The following RBSN variants were observed in gnomAD, a reference collection of about 807,000 sequenced individuals.
RBSN encodes the protein rabenosyn, RAB effector, also known as rabenosyn-5.
Under a neutral mutation model 60.5 loss-of-function variants are expected in RBSN, and 34 were observed. The ratio of observed to expected loss-of-function variants is 0.56; its 90% CI spans 0.43 to 0.75. RBSN has a LOEUF of 0.75. Ranked by LOEUF, RBSN falls within the 30% of genes least tolerant of loss-of-function variation. RBSN has a pLI of 0.00. For synonymous variants in RBSN, 322 were observed against 366.9 expected (o/e 0.88, Z 1.40); for missense variants, 845 against 986.8 (o/e 0.86, Z 1.92).
At position 15,071,616 on chromosome 3, in the gene RBSN, A is replaced by G. The variant is rs1464390; in HGVS notation, c.*2166T>C. 0.37 allele frequency: 56,967 copies of G among 152,144 alleles called. 12,062 individuals are homozygous for G. The highest frequency in any genetic ancestry group is 0.58 in the African/African-American group (23,930 of 41,488). The allele number at this position is 152,144 out of a possible 1,614,324, so 9.4% of individuals were successfully genotyped here. A position where few individuals can be genotyped will look rare whatever the true frequency, so the allele number is the denominator to read the frequency against. ...CTTCACACACTTCTACCCACTCCCC[A>G]TCTCCACACCCCTATACAAGATCTT... On this transcript the variant is annotated 3_prime_UTR_variant, in exon 14 of 14. Coordinates refer to ENST00000253699, the MANE Select transcript of RBSN (RefSeq NM_022340.4).
chr3:15,099,113 G>A lies in RBSN; in HGVS notation c.-579C>T, dbSNP rs1048724025. The A allele has an allele frequency of 6.6e-6, 1 of 152,360 alleles. No homozygotes were observed. Among genetic ancestry groups the A allele is most frequent in the East Asian group, 1.9e-4 (1 of 5,194 alleles). 9.4% of individuals were successfully genotyped at this position (152,360 alleles called of 1,614,324 possible). ...CTGGGCCTCCACCGTCCGTCACTCA[G>A]CCGCAGCCGCCATCTCCATCGGTCG... is the stretch of plus-strand genomic sequence containing the variant. On this transcript the variant is annotated 5_prime_UTR_variant, in exon 1 of 14. Coordinates refer to ENST00000253699, the MANE Select transcript of RBSN (RefSeq NM_022340.4).
chr3:15,093,593 G>A lies in RBSN; in HGVS notation c.148+2380C>T, dbSNP rs531660132. ...ATGATTTTTTTGTAGAAATGGTCTC[G>A]CTATGTTGCCCAGTCTGGTCTCCTG... On this transcript the variant is annotated intron_variant, in intron 4 of 13. Coordinates refer to ENST00000253699, the MANE Select transcript of RBSN (RefSeq NM_022340.4). Among the ~76,000 whole-genome samples the A allele has an allele frequency of 2.7e-4, 41 of 152,166 alleles. 1 individual carries two copies. Among genetic ancestry groups the A allele is most frequent in the Middle Eastern group, 6.8e-3 (2 of 294 alleles).
intron 4 of RBSN, among the ~76,000 whole-genome samples, chr3:15,091,000 A>C (rs2043498401): frequency 1.3e-5 from 2 of 152,150 alleles, no homozygotes; most frequent in Non-Finnish European, 2.9e-5. Flanking sequence ...GCTTGAGTCC[A>C]GGAATTCAAG....
intron 4 of RBSN, among the ~76,000 whole-genome samples, chr3:15,091,965 A>C (rs1480681371): frequency 6.6e-6 from 1 of 152,206 alleles, no homozygotes; most frequent in African/African-American, 2.4e-5. Flanking sequence ...TTCCACCAGA[A>C]TCTAGTAGAA....
chr3:15,096,089 C>T lies in RBSN; in HGVS notation c.32G>A (p.Arg11Lys), dbSNP rs1024517678. The change falls in exon 4 of 14, where the codon AGG becomes AAG. Residue 11 changes from arginine to lysine, a missense_variant. Transcript: ENST00000253699. Reference sequence around the variant, plus strand: ...GCACAGAGGGCAGAGGAAGCCCTCCCTCACTTCCCCTGGGTCGTCCAGAGA... The same window carrying T: ...GCACAGAGGGCAGAGGAAGCCCTCCTTCACTTCCCCTGGGTCGTCCAGAGA... MASLDDPGEV[R>K]EGFLCPLCLK... 1 of 1,607,866 alleles carries T rather than the reference C, an allele frequency of 6.2e-7. No homozygotes were observed. The highest frequency in any genetic ancestry group is 1.7e-5 in the Admixed American group (1 of 59,570).
chr3:15,084,784 C>A lies in RBSN; in HGVS notation c.549G>T (p.Gly183=). 1.2e-6 allele frequency: 2 copies of A among 1,614,084 alleles called. No homozygotes were observed. The highest frequency in any genetic ancestry group is 1.7e-5 in the Admixed American group (1 of 59,996). ...CCATACACTTCTTGCACATAATAGA[C>A]CCGCAGAGGCGGCAGTGGTGGCGGC... ...RNRRHHCRLC[G]SIMCKKCMEL... Residue 183 remains glycine, a synonymous_variant, in exon 8 of 14, where the codon GGG becomes GGT. Transcript: ENST00000253699. This position sits in a 1 kb window ranked among gnomAD's most constrained non-coding sequence, Gnocchi z 4.2.
In RBSN at chr3:15,074,265, G is replaced by A. The variant is rs1397893060; in HGVS notation, c.1872C>T (p.Ser624=). 5.0e-6 allele frequency: 8 copies of A among 1,612,894 alleles called. No homozygotes were observed. The highest frequency in any genetic ancestry group is 6.8e-6 in the Non-Finnish European group (8 of 1,179,400). Residue 624 remains serine (S), a synonymous_variant, in exon 14 of 14, where the codon TCC becomes TCT. Transcript: ENST00000253699. The surrounding 1 kb of genome is among the most constrained non-coding windows in gnomAD (Gnocchi z 6.4). The part of the protein sequence containing the change: ...SSMPQQHEGP[S]LNPFDEEDLS... ...GGTCTTCCTCATCAAAGGGGTTTAA[G>A]GAGGGCCCCTCATGTTGCTGTGGCA...
At position 15,096,701 on chromosome 3, in the gene RBSN, T is replaced by C. The variant is rs2043668022; in HGVS notation, c.-335A>G. 1 of 152,228 alleles carries C rather than the reference T, an allele frequency of 6.6e-6. No individual in the cohort carries two copies. The highest frequency in any genetic ancestry group is 6.5e-5 in the Admixed American group (1 of 15,278). The allele number at this position is 152,228 out of a possible 1,614,324, so 9.4% of individuals were successfully genotyped here. On this transcript the variant is annotated 5_prime_UTR_variant, in exon 3 of 14. Transcript: ENST00000253699. ...CCACATATAGTAAGTTCTTGATACT[T>C]GTAAGACACCTGTGTTAGAAATGCA... is the stretch of plus-strand genomic sequence containing the variant.
chr3:15,082,738 G>T lies in RBSN; in HGVS notation c.599-130C>A. 1.5e-6 allele frequency: 2 copies of T among 1,307,492 alleles called. No homozygotes were observed. Among genetic ancestry groups the T allele is most frequent in the African/African-American group, 1.5e-5 (1 of 68,024 alleles). 81.0% of individuals were successfully genotyped at this position (1,307,492 alleles called of 1,614,324 possible). A position where few individuals can be genotyped will look rare whatever the true frequency, so the allele number is the denominator to read the frequency against. Reference sequence around the variant, plus strand: ...AAGATCAGGCTCCAGCTGTGGGCACGTACTGCCCCTCTGCCTTCCTGGTGT... The same window carrying T: ...AAGATCAGGCTCCAGCTGTGGGCACTTACTGCCCCTCTGCCTTCCTGGTGT... On this transcript the variant is annotated intron_variant, in intron 8 of 13. Coordinates refer to ENST00000253699, the MANE Select transcript of RBSN (RefSeq NM_022340.4). This position sits in a 1 kb window ranked among gnomAD's most constrained non-coding sequence, Gnocchi z 4.2.
At chr3:15,090,366 C>A (rs772876265) in intron 5 of RBSN, 33 bp downstream of exon 5, 19 of 1,609,774 alleles carry the variant, frequency 1.2e-5, no homozygotes, top group Admixed American at 1.7e-5. Context: ...TGCTCAATAA[C>A]CACTTGCTGA....
intron 13 of RBSN, 46 bp downstream of exon 13, chr3:15,075,560 G>A: frequency 6.5e-7 from 1 of 1,538,194 alleles, no homozygotes; most frequent in Non-Finnish European, 9.0e-7. Context: ...CTCTGTGCTT[G>A]AGAGCCACAG....
In RBSN at chr3:15,091,435, G is replaced by A. The variant is rs573589753; in HGVS notation, c.149-896C>T. ...TTCTTGCTTCCCCACTACTGCCCACGCACTTATTGAATGCATGTGAGAATA... is the reference window on the plus strand; with the variant it reads ...TTCTTGCTTCCCCACTACTGCCCACACACTTATTGAATGCATGTGAGAATA... On this transcript the variant is annotated intron_variant, in intron 4 of 13. Coordinates refer to ENST00000253699, the MANE Select transcript of RBSN (RefSeq NM_022340.4). 2.7e-5 allele frequency: 34 copies of A among 1,279,536 alleles called. No homozygotes were observed. The East Asian group carries it at 5.1e-4, about 19-fold the overall frequency. The allele number at this position is 1,279,536 out of a possible 1,614,324, so 79.3% of individuals were successfully genotyped here. A position where few individuals can be genotyped will look rare whatever the true frequency, so the allele number is the denominator to read the frequency against.
intron 1 of RBSN, among the ~76,000 whole-genome samples, chr3:15,098,813 C>T (rs2043744562): frequency 6.6e-6 from 1 of 152,246 alleles, no homozygotes; most frequent in Non-Finnish European, 1.5e-5. Context: ...ACCCACTCCA[C>T]CCACAGCTGC....
intron 5 of RBSN, among the ~76,000 whole-genome samples, chr3:15,086,321 C>T (rs1003070399): frequency 6.6e-6 from 1 of 151,994 alleles, no homozygotes. Flanking sequence ...TAGAGCCTTA[C>T]CAAAAATTCA....
chr3:15,085,463 C>A (rs1039524246), intron 6 of RBSN, among the ~76,000 whole-genome samples: 1 of 152,220 alleles, frequency 6.6e-6, no homozygotes, highest in Non-Finnish European at 1.5e-5. Flanking sequence ...ATCCAGGTTA[C>A]ACACAACAAG....
In RBSN at chr3:15,098,194, C is replaced by A. The variant is rs948818282; in HGVS notation, c.-420G>T. The A allele has an allele frequency of 6.6e-6, 1 of 152,066 alleles. No homozygotes were observed. The highest frequency in any genetic ancestry group is 6.6e-5 in the Admixed American group (1 of 15,238). The allele number at this position is 152,066 out of a possible 1,614,324, so 9.4% of individuals were successfully genotyped here. ...ACCGCAGGTACATACGTGAAGTGACCAAGTAAGACTGTAAAATCTGGGAGG... is the reference window on the plus strand; with the variant it reads ...ACCGCAGGTACATACGTGAAGTGACAAAGTAAGACTGTAAAATCTGGGAGG... On this transcript the variant is annotated 5_prime_UTR_variant, in exon 2 of 14. Transcript: ENST00000253699.
intron 4 of RBSN, among the ~76,000 whole-genome samples, chr3:15,093,796 G>A (rs528090813): frequency 3.9e-5 from 6 of 152,148 alleles, no homozygotes; most frequent in Non-Finnish European, 8.8e-5. Flanking sequence ...CAACCTTCCG[G>A]GCTCAAGGGA....
At position 15,074,026 on chromosome 3, in the gene RBSN, G is replaced by A. The variant is rs1293283954; in HGVS notation, c.2111C>T (p.Pro704Leu). 1.4e-5 allele frequency: 23 copies of A among 1,614,122 alleles called. No individual in the cohort carries two copies. Among genetic ancestry groups the A allele is most frequent in the Non-Finnish European group, 1.9e-5 (23 of 1,180,034 alleles). Residue 704 changes from proline to leucine, a missense_variant, in exon 14 of 14, where the codon CCT becomes CTT. By Grantham distance (98) the Pro-to-Leu change is moderately conservative. Coordinates refer to ENST00000253699, the MANE Select transcript of RBSN (RefSeq NM_022340.4). This position sits in a 1 kb window ranked among gnomAD's most constrained non-coding sequence, Gnocchi z 6.4. The part of the protein sequence containing the change: ...DEHPQQRLSS[P>L]LVPGNPFEEP... ...CTCAAAGGGGTTACCAGGAACCAGA[G>A]GGCTTGAGAGCCTCTGCTGGGGATG...
At chr3:15,086,928 C>G (rs905142684) in intron 5 of RBSN, among the ~76,000 whole-genome samples, 9 of 152,164 alleles carry the variant, frequency 5.9e-5, no homozygotes, top group African/African-American at 1.9e-4. Flanking sequence ...AACATATTGT[C>G]CTCAACCCTC....
Sources: gnomAD v4.1 joint callset for allele counts (sites outside exome capture counted in the v4.1 genomes callset) on GRCh38, gnomAD v4.1.1 for gene constraint, Gnocchi (gnomAD v3.1) non-coding constraint, MANE v1.5 for transcripts, NCBI Gene and HGNC (gene_info 2026-07-23, HGNC 2026-07-21) for gene names.